Variants in PHF24 observed in about 807,000 individuals in gnomAD.
The protein encoded by PHF24 is Galpha inhibitory interacting protein.
A neutral mutation model predicts 42.6 loss-of-function variants in PHF24; 25 were observed. The ratio of observed to expected loss-of-function variants is 0.59; its 90% CI spans 0.43 to 0.82. The LOEUF is 0.82. Among genes scored for constraint, PHF24 ranks in the 40% least tolerant of loss-of-function variants. The pLI is 0.00. For synonymous variants in PHF24, 185 were observed against 204.8 expected, an observed-to-expected ratio of 0.90 and a Z score of 0.83; for missense variants, 470 against 538.1, an observed-to-expected ratio of 0.87 and a Z score of 1.25.
the PHF24 span, among the ~76,000 whole-genome samples, chr9:34,921,105 A>G: frequency 2.0e-5 from 3 of 152,018 alleles, no homozygotes; most frequent in African/African-American, 7.2e-5. Context: ...TCCCTGTTCA[A>G]TATGATTCTA....
the PHF24 span, among the ~76,000 whole-genome samples, chr9:34,867,528 G>A: frequency 6.6e-6 from 1 of 152,170 alleles, no homozygotes; most frequent in Non-Finnish European, 1.5e-5. Context: ...CAAGAGCACT[G>A]TAGTAAGGCA....
chr9:34,809,096 C>T, the PHF24 span, among the ~76,000 whole-genome samples: 12 of 151,068 alleles, frequency 7.9e-5, no homozygotes, highest in Admixed American at 7.9e-4. The surrounding 1 kb of genome is among the most constrained non-coding windows in gnomAD (Gnocchi z 4.1). Flanking sequence ...AATACTATAC[C>T]TCCCTTATAG....
chr9:34,704,663 C>T, the PHF24 span, among the ~76,000 whole-genome samples: 4 of 152,008 alleles, frequency 2.6e-5, no homozygotes, highest in Admixed American at 6.6e-5. Flanking sequence ...AGTGAGACCT[C>T]GTCTCTACAA....
At chr9:34,801,908 G>T in the PHF24 span, among the ~76,000 whole-genome samples, 977 of 151,408 alleles carry the variant, frequency 6.5e-3, 8 homozygotes, top group Middle Eastern at 0.037. Flanking sequence ...GGGGCCTGTT[G>T]GGGGTGGGGG....
the PHF24 span, among the ~76,000 whole-genome samples, chr9:34,741,229 C>T: frequency 6.6e-6 from 1 of 152,018 alleles, no homozygotes; most frequent in Non-Finnish European, 1.5e-5. Flanking sequence ...AACACACACA[C>T]ACACACACGT....
the PHF24 span, among the ~76,000 whole-genome samples, chr9:34,712,172 G>A: frequency 6.6e-6 from 1 of 151,700 alleles, no homozygotes; most frequent in African/African-American, 2.4e-5. Context: ...TCTGAAATCA[G>A]CTGGTAATCT....
the PHF24 span, among the ~76,000 whole-genome samples, chr9:34,819,836 A>G: frequency 1.3e-5 from 2 of 152,186 alleles, no homozygotes; most frequent in Non-Finnish European, 2.9e-5. Context: ...AGTATTGTTC[A>G]AATCTTCTGT....
chr9:34,749,774 GC>G, the PHF24 span, among the ~76,000 whole-genome samples: 2 of 136,148 alleles, frequency 1.5e-5, no homozygotes, highest in South Asian at 4.7e-4. Context: ...CCCTCCCCTT[GC>G]CCCCCATCCC....
the PHF24 span, among the ~76,000 whole-genome samples, chr9:34,879,188 C>T: frequency 6.6e-6 from 1 of 152,192 alleles, no homozygotes; most frequent in Non-Finnish European, 1.5e-5. Context: ...AGAACATCCA[C>T]ACCAAAACCC....
At chr9:34,724,602 G>C in the PHF24 span, 1 of 1,529,618 alleles carries the variant, frequency 6.5e-7, no homozygotes, top group Non-Finnish European at 8.9e-7. Context: ...AGTGAGTGGG[G>C]GCTAGTAGGA....
chr9:34,944,056 CTT>C, the PHF24 span, among the ~76,000 whole-genome samples: 2 of 152,236 alleles, frequency 1.3e-5, no homozygotes, highest in Non-Finnish European at 2.9e-5. Flanking sequence ...TCCTCAGCCT[CTT>C]TATTTCTTCT....
chr9:34,760,103 G>A, the PHF24 span, among the ~76,000 whole-genome samples: 1 of 152,168 alleles, frequency 6.6e-6, no homozygotes, highest in Non-Finnish European at 1.5e-5. Context: ...CAAACGACGG[G>A]GATGAAGTAC....
the PHF24 span, among the ~76,000 whole-genome samples, chr9:34,784,786 A>G: frequency 1.3e-5 from 2 of 152,214 alleles, no homozygotes; most frequent in South Asian, 4.1e-4. Context: ...TAGTTTCAAG[A>G]TAGTGAAAGG....
exon 6 of PHF24, chr9:34,977,085 C>T (rs765802470): frequency 6.3e-7 from 1 of 1,589,670 alleles, no homozygotes; most frequent in East Asian, 2.2e-5. Flanking sequence ...TTCCCCAGAA[C>T]TCTCTGTTGA....
At chr9:34,715,070 G>A in the PHF24 span, among the ~76,000 whole-genome samples, 46 of 152,200 alleles carry the variant, frequency 3.0e-4, no homozygotes, top group Middle Eastern at 0.014. Context: ...AGGTCTGTCT[G>A]CTTGGTGCTG....
chr9:34,915,803 T>G, the PHF24 span, among the ~76,000 whole-genome samples: 2 of 152,180 alleles, frequency 1.3e-5, no homozygotes, highest in African/African-American at 4.8e-5. Context: ...GTGGTATCCT[T>G]GTTATGGTTT....
chr9:34,850,533 T>C, the PHF24 span, among the ~76,000 whole-genome samples: 1 of 152,218 alleles, frequency 6.6e-6, no homozygotes, highest in East Asian at 1.9e-4. Context: ...TCAACTTCTT[T>C]GTCTTTGTTT....
At chr9:34,768,374 T>G in the PHF24 span, among the ~76,000 whole-genome samples, 1 of 152,230 alleles carries the variant, frequency 6.6e-6, no homozygotes, top group Admixed American at 6.5e-5. Flanking sequence ...AAAGGGCACC[T>G]TATGCTATTC....
In PHF24 at chr9:34,978,172, C is replaced by G. The variant is rs139314168; in HGVS notation, c.*61C>G. On this transcript the variant is annotated 3_prime_UTR_variant, in exon 8 of 8. Transcript: ENST00000242315. Reference sequence around the variant, plus strand: ...ATCCTCTCCCTCCTTTCCTTTCTCCCTTCCCCCACCAACCTCTGGCACAGA... The same window carrying G: ...ATCCTCTCCCTCCTTTCCTTTCTCCGTTCCCCCACCAACCTCTGGCACAGA... 1,292 of 1,289,756 alleles carry G rather than the reference C, an allele frequency of 1.0e-3. 12 individuals carry two copies. The African/African-American group carries it at 0.017, about 17-fold the overall frequency. 79.9% of individuals were successfully genotyped at this position (1,289,756 alleles called of 1,614,324 possible). A position where few individuals can be genotyped will look rare whatever the true frequency, so the allele number is the denominator to read the frequency against.
Sources: gnomAD v4.1 joint callset for allele counts (sites outside exome capture counted in the v4.1 genomes callset) on GRCh38, gnomAD v4.1.1 for gene constraint, Gnocchi (gnomAD v3.1) non-coding constraint, MANE v1.5 for transcripts, NCBI Gene and HGNC (gene_info 2026-07-23, HGNC 2026-07-21) for gene names.